Variants in PAQR3 observed in about 807,000 individuals in gnomAD.
The protein encoded by PAQR3 is Raf kinase trapping to Golgi.
Under a neutral mutation model 41.7 loss-of-function variants are expected in PAQR3, and 39 were observed. The ratio of observed to expected loss-of-function variants is 0.93; its 90% CI spans 0.72 to 1.22. PAQR3 has a LOEUF of 1.22. Among genes scored for constraint, PAQR3 ranks in the 50% most tolerant of loss-of-function variants. The pLI, the probability that PAQR3 is intolerant of heterozygous loss-of-function variation, is 0.00. For synonymous variants in PAQR3, 140 were observed against 140.6 expected (o/e 1.00, Z 0.03); for missense variants, 366 against 385.6 (o/e 0.95, Z 0.42).
Position 78,912,824 on chromosome 4 carries a change from ATCTGACAT to A in PAQR3, c.*7707_*7714del, listed in dbSNP as rs757559041. 2.0e-5 allele frequency: 3 copies of A among 152,180 alleles called. No individual in the cohort carries two copies. Among genetic ancestry groups the A allele is most frequent in the Non-Finnish European group, 4.4e-5 (3 of 68,016 alleles). The allele number at this position is 152,180 out of a possible 1,614,324, so 9.4% of individuals were successfully genotyped here. ...CTAGAACAAAAATATGAAGAGAAAT[ATCTGACAT>A]TTGTAAAGAAATTATAAGAAGAAAA... On this transcript the variant is annotated 3_prime_UTR_variant, in exon 6 of 6. Transcript: ENST00000512733.
intron 3 of PAQR3, among the ~76,000 whole-genome samples, chr4:78,929,180 C>T (rs1427811759): frequency 6.6e-6 from 1 of 152,168 alleles, no homozygotes; most frequent in South Asian, 2.1e-4. Context: ...GCACCTGTTA[C>T]ATGGTGGGCC....
downstream of PAQR3, among the ~76,000 whole-genome samples, chr4:78,910,428 A>G (rs1286056421): frequency 2.6e-5 from 4 of 152,218 alleles, no homozygotes; most frequent in African/African-American, 9.6e-5. Context: ...AGACTTAACT[A>G]TCTACCTGAG....
At chr4:78,904,815 A>G (rs994301879) in intron 11 of PAQR3, among the ~76,000 whole-genome samples, 7 of 151,952 alleles carry the variant, frequency 4.6e-5, no homozygotes, top group Non-Finnish European at 8.8e-5. Flanking sequence ...TTATGGCTCA[A>G]TAAGAGCATA....
chr4:78,890,024 A>C lies in PAQR3; in HGVS notation c.*837-1876T>G, dbSNP rs116134164. On this transcript the variant is annotated intron_variant and NMD_transcript_variant, in intron 11 of 12. Transcript: ENST00000342820. ...ATTTTGAAAGAAAAAGTTTCTGTGA[A>C]AACTTTTAACCTCAACTTTGATACT... Among the ~76,000 whole-genome samples, 677 of 152,278 alleles carry C rather than the reference A, an allele frequency of 4.4e-3. 2 individuals carry two copies. Among genetic ancestry groups the C allele is most frequent in the African/African-American group, 0.015 (640 of 41,566 alleles).
chr4:78,895,746 T>G (rs1053340241), intron 11 of PAQR3, among the ~76,000 whole-genome samples: 5 of 152,146 alleles, frequency 3.3e-5, no homozygotes, highest in Admixed American at 6.5e-5. Context: ...ACTCTAATTT[T>G]TATATGAACA....
chr4:78,902,165 T>A (rs1049830740), intron 11 of PAQR3, among the ~76,000 whole-genome samples: 12 of 152,112 alleles, frequency 7.9e-5, no homozygotes, highest in African/African-American at 2.7e-4. Context: ...ATACATAGAG[T>A]AGAAAATGAG....
chr4:78,900,264 G>A (rs1733926817), intron 11 of PAQR3, among the ~76,000 whole-genome samples: 1 of 152,128 alleles, frequency 6.6e-6, no homozygotes, highest in African/African-American at 2.4e-5. Flanking sequence ...TATGTTATTA[G>A]TTGATTATGT....
chr4:78,923,502 A>G (rs1735875408), intron 5 of PAQR3: 1 of 277,690 alleles, frequency 3.6e-6, no homozygotes, highest in Non-Finnish European at 6.9e-6. Flanking sequence ...GCATATATAA[A>G]TTACTTTTAA....
At chr4:78,903,656 C>G (rs1033662970) in intron 11 of PAQR3, among the ~76,000 whole-genome samples, 1 of 151,608 alleles carries the variant, frequency 6.6e-6, no homozygotes, top group Non-Finnish European at 1.5e-5. Context: ...GTTGATAAAG[C>G]CTTATAGTGT....
intron 11 of PAQR3, among the ~76,000 whole-genome samples, chr4:78,890,223 A>G (rs553014091): frequency 5.3e-5 from 8 of 151,978 alleles, no homozygotes; most frequent in African/African-American, 9.7e-5. Context: ...CCCTTTTCCT[A>G]CTTAAACTCC....
exon 13 of PAQR3, chr4:78,887,231 A>G (rs1207546219): frequency 1.9e-6 from 3 of 1,611,924 alleles, no homozygotes; most frequent in Non-Finnish European, 2.5e-6. Context: ...TCTGCTCCAC[A>G]TAACCATCCT....
Position 78,888,745 on chromosome 4 carries a change from TGG to T in PAQR3, c.*837-599_*837-598del, listed in dbSNP as rs375540425. 4.4e-3 allele frequency among the ~76,000 whole-genome samples: 677 copies of T among 152,350 alleles called. 2 individuals carry two copies. Among genetic ancestry groups the T allele is most frequent in the African/African-American group, 0.015 (641 of 41,586 alleles). ...TGCTATTTTGTTTAACTGTTTACTA[TGG>T]GTATTTATATTAGATTTTAAGCTAA... On this transcript the variant is annotated intron_variant and NMD_transcript_variant, in intron 11 of 12. Coordinates refer to the PAQR3 transcript ENST00000342820.
At chr4:78,894,715 C>T (rs554106422) in intron 11 of PAQR3, among the ~76,000 whole-genome samples, 1 of 152,166 alleles carries the variant, frequency 6.6e-6, no homozygotes, top group African/African-American at 2.4e-5. Context: ...ATAATTTTTC[C>T]TTTGTGTTCA....
Position 78,920,685 on chromosome 4 carries a change from G to T in PAQR3, c.794-4C>A. On this transcript the variant is annotated splice_polypyrimidine_tract_variant and splice_region_variant and intron_variant, in intron 5 of 5. Transcript: ENST00000512733. Reference sequence around the variant, plus strand: ...GATCCGAGGTAGTTTAGTTGTCCTGGAAAGAAGGTAGAAAGAAAATGATAA... The same window carrying T: ...GATCCGAGGTAGTTTAGTTGTCCTGTAAAGAAGGTAGAAAGAAAATGATAA... 1 of 1,595,552 alleles carries T rather than the reference G, an allele frequency of 6.3e-7. No homozygotes were observed. Among genetic ancestry groups the T allele is most frequent in the South Asian group, 1.1e-5 (1 of 88,276 alleles).
In PAQR3 at chr4:78,924,953, A is replaced by G. The variant is rs187973993; in HGVS notation, c.703-1006T>C. Among the ~76,000 whole-genome samples, 393 of 152,248 alleles carry G rather than the reference A, an allele frequency of 2.6e-3. 1 individual carries two copies. Among genetic ancestry groups the G allele is most frequent in the Non-Finnish European group, 4.4e-3 (301 of 67,996 alleles). ...TTAATCAAACTCAGATTTCTCAAAC[A>G]TTCTAGAACACAACTTGATCTTGCC... On this transcript the variant is annotated intron_variant, in intron 4 of 5. Transcript: ENST00000512733.
chr4:78,913,454 CTA>C lies in PAQR3; in HGVS notation c.*7083_*7084del, dbSNP rs547057189. Reference sequence around the variant, plus strand: ...GTATCTGTGCTTCCTGTGTCTATGACTATTTTAAGATATAATTGTGCTGCGCT... The same window carrying C: ...GTATCTGTGCTTCCTGTGTCTATGACTTTTAAGATATAATTGTGCTGCGCT... On this transcript the variant is annotated 3_prime_UTR_variant, in exon 6 of 6. Transcript: ENST00000512733. The C allele has an allele frequency of 2.2e-3, 328 of 152,238 alleles. 1 individual carries two copies. Among genetic ancestry groups the C allele is most frequent in the African/African-American group, 7.5e-3 (311 of 41,550 alleles). 9.4% of individuals were successfully genotyped at this position (152,238 alleles called of 1,614,324 possible).
At position 78,915,117 on chromosome 4, in the gene PAQR3, T is replaced by C. The variant is rs923154485; in HGVS notation, c.*5422A>G. ...TGACTAGAACATTTATTCAGGAGTGTAATTATTTTCCCTTACCCCAATCCC... is the reference window on the plus strand; with the variant it reads ...TGACTAGAACATTTATTCAGGAGTGCAATTATTTTCCCTTACCCCAATCCC... On this transcript the variant is annotated 3_prime_UTR_variant, in exon 6 of 6. Transcript: ENST00000512733. 9.2e-5 allele frequency: 14 copies of C among 152,138 alleles called. No individual in the cohort carries two copies. The highest frequency in any genetic ancestry group is 3.4e-4 in the African/African-American group (14 of 41,558). The allele number at this position is 152,138 out of a possible 1,614,324, so 9.4% of individuals were successfully genotyped here. A position where few individuals can be genotyped will look rare whatever the true frequency, so the allele number is the denominator to read the frequency against.
intron 5 of PAQR3, 50 bp from the exon 6 acceptor site, chr4:78,920,731 T>A: frequency 6.5e-7 from 1 of 1,547,986 alleles, no homozygotes; most frequent in Non-Finnish European, 8.8e-7. Context: ...ATGTTGACAT[T>A]AAAGGAAAAA....
downstream of PAQR3, chr4:78,910,584 GTAA>G (rs751179770): frequency 2.1e-5 from 31 of 1,462,344 alleles, no homozygotes; most frequent in African/African-American, 4.1e-4. Context: ...TTGGAATGCT[GTAA>G]TAATATTTAT....
Sources: allele counts gnomAD v4.1 joint callset (sites outside exome capture counted in the v4.1 genomes callset), GRCh38; gene constraint gnomAD v4.1.1; transcripts MANE v1.5; gene names NCBI Gene and HGNC (gene_info 2026-07-23, HGNC 2026-07-21).